MYCBP2: variants seen among roughly 807,000 people sequenced by gnomAD.
MYCBP2 encodes E3 ubiquitin-protein ligase MYCBP2.
In MYCBP2, 120 loss-of-function variants were observed where a neutral mutation model predicts 525.3. The observed-to-expected ratio is 0.23, with a 90% confidence interval of 0.20 to 0.27. MYCBP2 has a LOEUF of 0.27. MYCBP2 is among the 10% of genes least tolerant of loss of function. The probability of loss-of-function intolerance (pLI) is 1.00; values close to 1 mark genes in which losing one functional copy is unlikely to be tolerated. For missense variants in MYCBP2, 4,149 were observed against 5,657.1 expected (o/e 0.73, Z 8.55); for synonymous variants, 1,894 against 1,955.8 (o/e 0.97, Z 0.83).
intron 20 of MYCBP2, among the ~76,000 whole-genome samples, chr13:77,218,568 T>C (rs1004824774): frequency 2.6e-4 from 39 of 152,320 alleles, no homozygotes; most frequent in African/African-American, 9.1e-4. Flanking sequence ...TTTCATTCTT[T>C]TTGTATTTCA....
rs555720371 is a variant in MYCBP2 at position 77,210,618 on chromosome 13, G to GT, written c.3416+548dup. 1.3e-3 allele frequency among the ~76,000 whole-genome samples: 197 copies of GT among 152,224 alleles called. 4 individuals carry two copies. In the South Asian group the frequency reaches 0.04, roughly 31 times the overall value. ...CCTGTATATTTCTCTACCAGTAAGA[G>GT]TATTTTTTAATGCACATTCTTAAAG... On this transcript the variant is annotated intron_variant, in intron 23 of 82. Transcript: ENST00000544440.
intron 82 of MYCBP2, among the ~76,000 whole-genome samples, chr13:77,048,263 G>C (rs972829628): frequency 1.3e-5 from 2 of 152,144 alleles, no homozygotes; most frequent in African/African-American, 4.8e-5. Flanking sequence ...GAGGCTGAGA[G>C]TGGGTCCTCA....
At chr13:77,137,598 G>T (rs752494810) in intron 52 of MYCBP2, among the ~76,000 whole-genome samples, 2 of 151,506 alleles carry the variant, frequency 1.3e-5, no homozygotes, top group African/African-American at 2.4e-5. Context: ...ATATTTTTGT[G>T]TTTTTTTTGA....
chr13:77,261,305 T>C lies in MYCBP2; in HGVS notation c.1718A>G (p.Glu573Gly), dbSNP rs749960159. The change falls in exon 12 of 83, where the codon GAG becomes GGG. Residue 573 changes from glutamate (E) to glycine (G), a missense_variant. Glu to Gly is a moderately conservative substitution (Grantham distance 98). Around this residue, in one of 21 missense-constraint regions of MYCBP2, gnomAD observed 262 missense variants for 419.3 expected, o/e 0.62. Coordinates refer to ENST00000544440, the MANE Select transcript of MYCBP2 (RefSeq NM_015057.5). ...QGGPSAGKWVELPITKSPKIV... is the reference protein window; with the variant it reads ...QGGPSAGKWVGLPITKSPKIV... ...CTTTGGAGATTTTGTAATTGGTAGC[T>C]CAACCCATTTTCCTGCTGAAGGACC... is the stretch of plus-strand genomic sequence containing the variant. The C allele has an allele frequency of 6.2e-7, 1 of 1,613,248 alleles. No individual in the cohort carries two copies. The highest frequency in any genetic ancestry group is 1.7e-5 in the Admixed American group (1 of 59,900).
At chr13:77,164,397 T>C (rs762998410) in intron 43 of MYCBP2, 57 bp downstream of exon 43, 19 of 1,158,258 alleles carry the variant, frequency 1.6e-5, no homozygotes, top group Non-Finnish European at 2.0e-5. Context: ...CCTTTTATAA[T>C]ACATACAAAA....
At chr13:77,236,658 T>C (rs2067976958) in intron 17 of MYCBP2, among the ~76,000 whole-genome samples, 2 of 152,140 alleles carry the variant, frequency 1.3e-5, no homozygotes, top group Non-Finnish European at 2.9e-5. Flanking sequence ...TATGAAATAA[T>C]TTTACACAGA....
chr13:77,093,331 G>T lies in MYCBP2; in HGVS notation c.10201C>A (p.His3401Asn). ...PCLYLQTLAR[H>N]HHENFVGYQD... is the part of the protein sequence containing the mutation. ...TAGCCCACAAAATTTTCATGATGAT[G>T]CCTGCATTAAATCAAACCCAATAAC... The change falls in exon 59 of 83, where the codon CAT becomes AAT. Residue 3401 changes from histidine to asparagine, a missense_variant and splice_region_variant. Around this residue, in one of 21 missense-constraint regions of MYCBP2, gnomAD observed 509 missense variants for 789.4 expected, o/e 0.64. Transcript: ENST00000544440. The T allele has an allele frequency of 6.2e-7, 1 of 1,612,506 alleles. No individual in the cohort carries two copies. Among genetic ancestry groups the T allele is most frequent in the Non-Finnish European group, 8.5e-7 (1 of 1,179,164 alleles).
At chr13:77,065,111 A>AT (rs2039987755) in intron 72 of MYCBP2, among the ~76,000 whole-genome samples, 3 of 152,230 alleles carry the variant, frequency 2.0e-5, no homozygotes, top group African/African-American at 7.2e-5. Context: ...TTAGATGAGT[A>AT]TTACAGGAAC....
intron 58 of MYCBP2, among the ~76,000 whole-genome samples, chr13:77,094,205 G>A (rs2045885371): frequency 6.6e-6 from 1 of 152,162 alleles, no homozygotes; most frequent in South Asian, 2.1e-4. Flanking sequence ...TGGTCGGCAA[G>A]CCATGTCAGT....
At chr13:77,136,288 T>C (rs1225070416) in intron 52 of MYCBP2, among the ~76,000 whole-genome samples, 3 of 152,232 alleles carry the variant, frequency 2.0e-5, no homozygotes. Context: ...AGTATCTCAT[T>C]TGTTAAAGTG....
chr13:77,162,233 T>G (rs1043324898), intron 43 of MYCBP2, among the ~76,000 whole-genome samples: 1 of 152,180 alleles, frequency 6.6e-6, no homozygotes, highest in Non-Finnish European at 1.5e-5. Context: ...AATGTATACT[T>G]TCTGAACTTA....
chr13:77,131,319 C>A (rs1332227292), intron 52 of MYCBP2, among the ~76,000 whole-genome samples: 1 of 151,926 alleles, frequency 6.6e-6, no homozygotes, highest in Non-Finnish European at 1.5e-5. Flanking sequence ...GAGTTCGAGA[C>A]CAGCCTGGAT....
At chr13:77,248,132 A>G (rs1205346766) in intron 15 of MYCBP2, among the ~76,000 whole-genome samples, 2 of 85,910 alleles carry the variant, frequency 2.3e-5, no homozygotes, top group African/African-American at 4.3e-5. Flanking sequence ...CCTAAAACTT[A>G]AAGTATAATC....
At position 77,304,990 on chromosome 13, in the gene MYCBP2, GA is replaced by G. The variant is rs552831639; in HGVS notation, c.303-8317del. Among the ~76,000 whole-genome samples the G allele has an allele frequency of 1.3e-3, 192 of 151,496 alleles. 1 individual carries two copies. The highest frequency in any genetic ancestry group is 3.4e-3 in the Middle Eastern group (1 of 294). On this transcript the variant is annotated intron_variant, in intron 1 of 82. Transcript: ENST00000544440. Reference sequence around the variant, plus strand: ...ATATCTGAATAGTCTTCTATATATTGAAAAAAAACTGGATCCCTAATCAAAA... The same window carrying G: ...ATATCTGAATAGTCTTCTATATATTGAAAAAAACTGGATCCCTAATCAAAA...
At chr13:77,172,974 T>C (rs1566803590) in intron 37 of MYCBP2, among the ~76,000 whole-genome samples, 1 of 152,204 alleles carries the variant, frequency 6.6e-6, no homozygotes, top group Non-Finnish European at 1.5e-5. Context: ...CTGGGGTTAC[T>C]GTGAGGACAA....
At chr13:77,213,304 G>A (rs571693090) in intron 21 of MYCBP2, among the ~76,000 whole-genome samples, 239 of 152,094 alleles carry the variant, frequency 1.6e-3, no homozygotes, top group African/African-American at 5.4e-3. Flanking sequence ...GTGAAACCTC[G>A]TCTCTACTAA....
In MYCBP2 at chr13:77,242,304, T is replaced by C. The variant is rs1006051014; in HGVS notation, c.2629+755A>G. On this transcript the variant is annotated intron_variant, in intron 17 of 82. Coordinates refer to ENST00000544440, the MANE Select transcript of MYCBP2 (RefSeq NM_015057.5). ...AATTTTTTTGTACTTTTAGTAGTGATGGGGTTTCACCATGTTGGCCAGGAT... is the reference window on the plus strand; with the variant it reads ...AATTTTTTTGTACTTTTAGTAGTGACGGGGTTTCACCATGTTGGCCAGGAT... Among the ~76,000 whole-genome samples, 23 of 152,236 alleles carry C rather than the reference T, an allele frequency of 1.5e-4. No individual in the cohort carries two copies. In the East Asian group the frequency reaches 2.1e-3, roughly 14 times the overall value.
chr13:77,278,865 G>A lies in MYCBP2; in HGVS notation c.641C>T (p.Thr214Ile). Residue 214 changes from threonine to isoleucine, a missense_variant, in exon 4 of 83, where the codon ACA becomes ATA. Physicochemically the swap from Thr to Ile is moderately conservative, Grantham distance 89 (BLOSUM62 -1). Around this residue, in one of 21 missense-constraint regions of MYCBP2, gnomAD observed 413 missense variants for 451.2 expected, o/e 0.92. Transcript: ENST00000544440. The stretch of plus-strand genomic sequence containing the variant: ...ACACAGGGATGGATGAGAAAATCGT[G>A]TCTCTTTGATCAATTCAAAAACTTC... ...LCEVFELIKE[T>I]RFSHPSLCLR... 1 of 1,596,792 alleles carries A rather than the reference G, an allele frequency of 6.3e-7. No individual in the cohort carries two copies. Among genetic ancestry groups the A allele is most frequent in the Non-Finnish European group, 8.5e-7 (1 of 1,172,034 alleles).
chr13:77,310,385 C>T (rs935644334), intron 1 of MYCBP2, among the ~76,000 whole-genome samples: 2 of 152,168 alleles, frequency 1.3e-5, no homozygotes, highest in Admixed American at 1.3e-4. Flanking sequence ...GTCTACATGC[C>T]AAAAACAGCT....
Sources: allele counts gnomAD v4.1 joint callset (sites outside exome capture counted in the v4.1 genomes callset), GRCh38; gene constraint gnomAD v4.1.1; regional missense constraint gnomAD v4.1.1; transcripts MANE v1.5; gene names NCBI Gene and HGNC (gene_info 2026-07-23, HGNC 2026-07-21).